Variants in EFCAB6 observed in about 807,000 individuals in gnomAD.
EFCAB6 encodes EF-hand calcium binding domain 6.
In EFCAB6, 156 loss-of-function variants were observed where a neutral mutation model predicts 169.8. The ratio of observed to expected loss-of-function variants is 0.92; its 90% CI spans 0.81 to 1.05. The LOEUF is 1.05. Ranked by LOEUF, EFCAB6 falls within the 50% of genes least tolerant of loss-of-function variation. The pLI is 0.00. For synonymous variants in EFCAB6, 698 were observed against 676.4 expected (o/e 1.03, Z -0.50); for missense variants, 1,800 against 1,829.1 (o/e 0.98, Z 0.29).
At chr22:43,739,943 C>T (rs1006210993) in intron 6 of EFCAB6, among the ~76,000 whole-genome samples, 1 of 152,136 alleles carries the variant, frequency 6.6e-6, no homozygotes, top group Non-Finnish European at 1.5e-5. Context: ...ATTCCACTCG[C>T]TGTGACCCAC....
chr22:43,720,964 T>C (rs958306955), intron 8 of EFCAB6, among the ~76,000 whole-genome samples: 2 of 152,194 alleles, frequency 1.3e-5, no homozygotes, highest in African/African-American at 4.8e-5. Context: ...TATGATTCTA[T>C]ACCTAGAAAA....
intron 22 of EFCAB6, among the ~76,000 whole-genome samples, chr22:43,602,565 T>C (rs374185480): frequency 1.3e-5 from 2 of 152,116 alleles, no homozygotes; most frequent in African/African-American, 4.8e-5. Context: ...TTGAACTACA[T>C]CAGGACTCTA....
intron 8 of EFCAB6, among the ~76,000 whole-genome samples, chr22:43,724,600 C>A (rs942832817): frequency 6.6e-6 from 1 of 152,058 alleles, no homozygotes; most frequent in Admixed American, 6.5e-5. Flanking sequence ...TAACTCCTGA[C>A]CTCAAATGAT....
intron 2 of EFCAB6, among the ~76,000 whole-genome samples, chr22:43,786,865 CA>C (rs1489571446): frequency 1.3e-5 from 2 of 151,884 alleles, no homozygotes; most frequent in Non-Finnish European, 2.9e-5. Flanking sequence ...ACAGCACAGT[CA>C]AGCAAAATTT....
chr22:43,734,149 G>A (rs147210224), intron 7 of EFCAB6, among the ~76,000 whole-genome samples: 1,670 of 152,180 alleles, frequency 0.011, 29 homozygotes, highest in African/African-American at 0.039. Context: ...CACACCAAGA[G>A]CCGAATGTTG....
rs746733914 is a variant in EFCAB6, at chr22:43,731,801, G to A, written c.655C>T (p.His219Tyr). The part of the protein sequence containing the change: ...RDEEYEKFSK[H>Y]YNIHKDTAVD... Reference sequence around the variant, plus strand: ...GCAGTATCCTTGTGGATGTTGTAGTGTTTCGAAAACCTAAAATACAAATGT... The same window carrying A: ...GCAGTATCCTTGTGGATGTTGTAGTATTTCGAAAACCTAAAATACAAATGT... Residue 219 changes from histidine to tyrosine, a missense_variant, in exon 8 of 32, where the codon CAC (histidine) becomes TAC (tyrosine). Physicochemically the swap from His to Tyr is moderately conservative, Grantham distance 83. Transcript: ENST00000262726. The A allele has an allele frequency of 7.0e-6, 11 of 1,567,914 alleles. No individual in the cohort carries two copies. In the Admixed American group the frequency reaches 8.1e-5, roughly 12 times the overall value.
chr22:43,772,577 G>A (rs2061504584), intron 4 of EFCAB6, among the ~76,000 whole-genome samples: 3 of 151,384 alleles, frequency 2.0e-5, no homozygotes, highest in Admixed American at 1.3e-4. Flanking sequence ...GGAGGCGGAG[G>A]TTGCGGTGAG....
intron 22 of EFCAB6, among the ~76,000 whole-genome samples, chr22:43,600,751 T>C (rs919749999): frequency 9.2e-5 from 14 of 152,062 alleles, no homozygotes. Context: ...ACAACCTCTG[T>C]CTCCAAGGCT....
chr22:43,793,541 A>G (rs1319329483), intron 2 of EFCAB6, among the ~76,000 whole-genome samples: 1 of 152,180 alleles, frequency 6.6e-6, no homozygotes, highest in Non-Finnish European at 1.5e-5. Context: ...ACCCACCCTG[A>G]CCCTCTAGTC....
intron 8 of EFCAB6, among the ~76,000 whole-genome samples, chr22:43,721,018 T>C (rs933206064): frequency 9.9e-5 from 15 of 152,178 alleles, no homozygotes; most frequent in African/African-American, 3.6e-4. Flanking sequence ...GATAAATCAT[T>C]TAAACAAGGT....
intron 22 of EFCAB6, among the ~76,000 whole-genome samples, chr22:43,606,855 C>T (rs2052954487): frequency 6.6e-6 from 1 of 152,162 alleles, no homozygotes; most frequent in Non-Finnish European, 1.5e-5. Context: ...AAGTTCTGTC[C>T]CACCCTCAGA....
At chr22:43,549,808 C>T (rs971886930) in intron 27 of EFCAB6, among the ~76,000 whole-genome samples, 2 of 152,160 alleles carry the variant, frequency 1.3e-5, no homozygotes, top group Non-Finnish European at 1.5e-5. Context: ...ACTTTTAATA[C>T]CTCATGAGCA....
chr22:43,665,370 G>T (rs1343228328), intron 17 of EFCAB6, among the ~76,000 whole-genome samples: 1 of 152,184 alleles, frequency 6.6e-6, no homozygotes, highest in Non-Finnish European at 1.5e-5. Flanking sequence ...CAGATCACAG[G>T]TGTGAGTCTC....
chr22:43,698,563 C>G (rs904756476), intron 10 of EFCAB6, among the ~76,000 whole-genome samples: 1 of 152,190 alleles, frequency 6.6e-6, no homozygotes, highest in African/African-American at 2.4e-5. Context: ...CCCCATATCA[C>G]CCAGCATAGG....
Position 43,755,007 on chromosome 22 carries a change from G to T in EFCAB6, c.507+759C>A, listed in dbSNP as rs938855640. ...TTGAGATGAATTTTCTGGTGTTAAT[G>T]GTATCAGCTAGGGAAATTGAGACAA... On this transcript the variant is annotated intron_variant, in intron 6 of 31. Coordinates refer to ENST00000262726, the MANE Select transcript of EFCAB6 (RefSeq NM_022785.4). 4.6e-5 allele frequency among the ~76,000 whole-genome samples: 7 copies of T among 152,128 alleles called. 1 individual carries two copies.
At chr22:43,722,401 T>A (rs2142974) in intron 8 of EFCAB6, among the ~76,000 whole-genome samples, 35,763 of 151,704 alleles carry the variant, frequency 0.24, 5,496 homozygotes, top group East Asian at 0.61. Flanking sequence ...TGTGGTGGCA[T>A]GCGCCTGTAA....
intron 10 of EFCAB6, among the ~76,000 whole-genome samples, chr22:43,709,925 C>T (rs1475452347): frequency 6.6e-6 from 1 of 152,160 alleles, no homozygotes; most frequent in African/African-American, 2.4e-5. Context: ...AGGGAGCTGG[C>T]AAGGAAAGTG....
chr22:43,766,515 T>C (rs2061331156), intron 4 of EFCAB6, among the ~76,000 whole-genome samples: 1 of 152,170 alleles, frequency 6.6e-6, no homozygotes, highest in Admixed American at 6.5e-5. Flanking sequence ...ATTTGTACTT[T>C]TCTTATTCTT....
chr22:43,751,099 G>C (rs961186920), intron 6 of EFCAB6, among the ~76,000 whole-genome samples: 1 of 152,212 alleles, frequency 6.6e-6, no homozygotes, highest in Non-Finnish European at 1.5e-5. Flanking sequence ...CACGGTACAA[G>C]AGCAAACAGC....
Sources: gnomAD v4.1 joint callset for allele counts (sites outside exome capture counted in the v4.1 genomes callset) on GRCh38, gnomAD v4.1.1 for gene constraint, MANE v1.5 for transcripts, NCBI Gene and HGNC (gene_info 2026-07-23, HGNC 2026-07-21) for gene names.